Variants in ZFHX3 observed in about 807,000 individuals in gnomAD.
ZFHX3 encodes the protein zinc finger homeobox 3.
A neutral mutation model predicts 279.1 loss-of-function variants in ZFHX3; 42 were observed. The observed-to-expected ratio is 0.15, with a 90% CI of 0.12 to 0.19. The LOEUF (loss-of-function observed/expected upper bound fraction) is 0.19. Among genes scored for constraint, ZFHX3 ranks in the 10% least tolerant of loss-of-function variants. The pLI is 1.00. For missense variants in ZFHX3, 4,981 were observed against 4,754.0 expected (o/e 1.05, Z -1.40); for synonymous variants, 2,293 against 1,957.8 (o/e 1.17, Z -4.52).
chr16:73,443,456 A>G (rs182188868), intron 3 of ZFHX3, among the ~76,000 whole-genome samples: 35 of 152,344 alleles, frequency 2.3e-4, no homozygotes, highest in African/African-American at 8.4e-4. Flanking sequence ...TTCTTCTCTG[A>G]AAGTCTCCTC....
chr16:73,661,509 T>C (rs1240687726), intron 2 of ZFHX3, among the ~76,000 whole-genome samples: 1 of 151,988 alleles, frequency 6.6e-6, no homozygotes, highest in African/African-American at 2.4e-5. Flanking sequence ...TCAGTTGAGG[T>C]TGGAAGTTTG....
intron 3 of ZFHX3, among the ~76,000 whole-genome samples, chr16:72,893,484 G>C (rs2038821558): frequency 6.6e-6 from 1 of 152,176 alleles, no homozygotes; most frequent in Admixed American, 6.5e-5. Flanking sequence ...TGGGCTCTTG[G>C]GTCATAGGAC....
At chr16:73,127,364 C>T in intron 7 of ZFHX3, 2 of 1,305,418 alleles carry the variant, frequency 1.5e-6, no homozygotes, top group African/African-American at 1.5e-5. Flanking sequence ...GTCAATTCCA[C>T]TTAACTGAAT....
At chr16:73,881,490 C>A (rs903215829) in intron 1 of ZFHX3, among the ~76,000 whole-genome samples, 3 of 94,098 alleles carry the variant, frequency 3.2e-5, no homozygotes, top group African/African-American at 1.0e-4. Context: ...GCCCCCCCCC[C>A]CCACTCTGCC....
chr16:73,050,267 C>T (rs779780655), upstream of ZFHX3, among the ~76,000 whole-genome samples: 7 of 152,184 alleles, frequency 4.6e-5, no homozygotes, highest in Non-Finnish European at 5.9e-5. Flanking sequence ...GCAGAAGGCC[C>T]GGACGGGATC....
intron 2 of ZFHX3, among the ~76,000 whole-genome samples, chr16:73,651,331 A>G (rs1326726343): frequency 1.3e-5 from 2 of 152,002 alleles, no homozygotes; most frequent in Non-Finnish European, 2.9e-5. Context: ...AAAAGAGGAT[A>G]GAGAGAATTG....
chr16:73,832,077 T>G (rs973057552), intron 1 of ZFHX3, among the ~76,000 whole-genome samples: 3 of 152,134 alleles, frequency 2.0e-5, no homozygotes, highest in African/African-American at 7.2e-5. Context: ...ATTTTTGTGT[T>G]TTTAGTAGAG....
intron 4 of ZFHX3, among the ~76,000 whole-genome samples, chr16:72,865,992 C>A (rs7200093): frequency 0.017 from 2,580 of 152,154 alleles, 67 homozygotes; most frequent in African/African-American, 0.059. Context: ...ACATACTCCT[C>A]CCACACAAAG....
chr16:73,135,676 A>C (rs1180537599), intron 6 of ZFHX3, among the ~76,000 whole-genome samples: 1 of 152,144 alleles, frequency 6.6e-6, no homozygotes, highest in Admixed American at 6.5e-5. Flanking sequence ...CAACAATCAA[A>C]ATTTGAGATA....
At chr16:72,910,721 G>A (rs115017423) in intron 3 of ZFHX3, among the ~76,000 whole-genome samples, 2,798 of 152,222 alleles carry the variant, frequency 0.018, 40 homozygotes, top group Middle Eastern at 0.054. Context: ...TTTTAAAAAT[G>A]CTTAATTAAT....
intron 4 of ZFHX3, among the ~76,000 whole-genome samples, chr16:72,854,232 T>G (rs984837892): frequency 1.3e-5 from 2 of 152,244 alleles, no homozygotes; most frequent in Admixed American, 6.5e-5. Context: ...AACTTTTGCC[T>G]TCTAGCTTTT....
chr16:73,732,178 T>C (rs1012486260), intron 1 of ZFHX3, among the ~76,000 whole-genome samples: 2 of 152,168 alleles, frequency 1.3e-5, no homozygotes, highest in Admixed American at 6.5e-5. Flanking sequence ...TCAAACCAAA[T>C]GGGATTATCT....
chr16:73,689,700 A>C (rs1439326435), intron 1 of ZFHX3, among the ~76,000 whole-genome samples: 1 of 152,198 alleles, frequency 6.6e-6, no homozygotes, highest in African/African-American at 2.4e-5. Context: ...GAATAAATGA[A>C]ATTTTTGAAA....
intron 2 of ZFHX3, among the ~76,000 whole-genome samples, chr16:73,651,310 T>C (rs62043044): frequency 0.22 from 32,737 of 151,192 alleles, 3,646 homozygotes; most frequent in South Asian, 0.23. Flanking sequence ...ATCTATTTTA[T>C]GGGAGTTCTA....
intron 3 of ZFHX3, among the ~76,000 whole-genome samples, chr16:73,385,783 T>G (rs1256152187): frequency 6.6e-6 from 1 of 152,184 alleles, no homozygotes; most frequent in Non-Finnish European, 1.5e-5. Context: ...GCAGGATGGC[T>G]TGCTGCCTGG....
intron 7 of ZFHX3, among the ~76,000 whole-genome samples, chr16:73,105,521 A>G (rs1254964095): frequency 2.6e-5 from 4 of 151,358 alleles, no homozygotes; most frequent in Non-Finnish European, 4.4e-5. Context: ...GGAGGCAAAG[A>G]CGGGCGGATC....
At chr16:73,600,492 G>A (rs1193421941) in intron 2 of ZFHX3, among the ~76,000 whole-genome samples, 3 of 147,072 alleles carry the variant, frequency 2.0e-5, no homozygotes, top group South Asian at 2.1e-4. Context: ...ATCTCCACTC[G>A]CTGCTAGCTC....
chr16:73,037,719 C>T (rs1964963278), intron 1 of ZFHX3, among the ~76,000 whole-genome samples: 1 of 152,092 alleles, frequency 6.6e-6, no homozygotes. Context: ...CCCAGGGCAC[C>T]CAGGAGCAGA....
At chr16:73,599,663 A>C (rs1211875933) in intron 2 of ZFHX3, among the ~76,000 whole-genome samples, 1 of 151,114 alleles carries the variant, frequency 6.6e-6, no homozygotes, top group Non-Finnish European at 1.5e-5. Flanking sequence ...ATCAAAAATG[A>C]TGGCAGCTGA....
Sources: allele counts gnomAD v4.1 joint callset (sites outside exome capture counted in the v4.1 genomes callset), GRCh38; gene constraint gnomAD v4.1.1; transcripts MANE v1.5; gene names NCBI Gene and HGNC (gene_info 2026-07-23, HGNC 2026-07-21).